Variants in SEMA3E observed in about 807,000 individuals in gnomAD.
The protein encoded by SEMA3E is semaphorin-3E.
SEMA3E carries 49 observed loss-of-function variants against 93.6 expected under a neutral mutation model. That is an observed-to-expected ratio of 0.52 (90% CI 0.42 to 0.66). The LOEUF is 0.66. Among genes scored for constraint, SEMA3E ranks in the 30% least tolerant of loss-of-function variants. The pLI, the probability that SEMA3E is intolerant of heterozygous loss-of-function variation, is 0.00. For missense variants in SEMA3E, 906 were observed against 964.8 expected, an observed-to-expected ratio of 0.94 and a Z score of 0.81; for synonymous variants, 363 against 330.7, an observed-to-expected ratio of 1.10 and a Z score of -1.06.
chr7:83,433,318 G>A (rs369695201), intron 4 of SEMA3E, among the ~76,000 whole-genome samples: 5 of 152,216 alleles, frequency 3.3e-5, no homozygotes, highest in African/African-American at 1.2e-4. Context: ...AAAGGGAACT[G>A]AGTGTCTTAT....
chr7:83,619,197 GTTA>G (rs1163992780), intron 1 of SEMA3E, among the ~76,000 whole-genome samples: 2 of 151,314 alleles, frequency 1.3e-5, no homozygotes, highest in Non-Finnish European at 3.0e-5. Flanking sequence ...ACTTTTAGTA[GTTA>G]TTATAATTTT....
At position 83,367,879 on chromosome 7, in the gene SEMA3E, C is replaced by T. The variant is rs759382770; in HGVS notation, c.2035G>A (p.Glu679Lys). ...TLEVVEEEKV[E>K]DMFNKDDEED... is the part of the protein sequence containing the mutation. The stretch of plus-strand genomic sequence containing the variant: ...TCATCGTCCTTGTTAAACATATCCT[C>T]GACTTTCTCCTCTTCCACTACCTCC... Residue 679 changes from glutamate (E) to lysine (K), a missense_variant, in exon 17 of 17, where the codon GAG (glutamate) becomes AAG (lysine). Physicochemically the swap from Glu to Lys is moderately conservative, Grantham distance 56. Transcript: ENST00000643230. The T allele has an allele frequency of 3.7e-6, 6 of 1,611,042 alleles. No homozygotes were observed. The African/African-American group carries it at 4.0e-5, about 11-fold the overall frequency.
At chr7:83,435,093 C>A (rs1788976684) in intron 4 of SEMA3E, among the ~76,000 whole-genome samples, 1 of 152,134 alleles carries the variant, frequency 6.6e-6, no homozygotes, top group African/African-American at 2.4e-5. Context: ...CCTTTTAGTC[C>A]ATATTGTGTC....
intron 1 of SEMA3E, among the ~76,000 whole-genome samples, chr7:83,609,834 T>C (rs868856561): frequency 6.6e-6 from 1 of 151,992 alleles, no homozygotes; most frequent in Non-Finnish European, 1.5e-5. Context: ...AGTTAAATTA[T>C]GTACTGAATG....
At chr7:83,468,551 G>GT (rs757501000) in intron 3 of SEMA3E, among the ~76,000 whole-genome samples, 9,020 of 146,216 alleles carry the variant, frequency 0.062, 347 homozygotes, top group African/African-American at 0.11. Context: ...CATTTATATA[G>GT]TTTTTTTTTT....
intron 1 of SEMA3E, among the ~76,000 whole-genome samples, chr7:83,494,663 A>T (rs547410965): frequency 9.6e-4 from 146 of 152,062 alleles, no homozygotes; most frequent in African/African-American, 3.5e-3. Flanking sequence ...AAGATGCTGC[A>T]TCTTTGCTTC....
At chr7:83,489,640 T>C (rs1295770706) in intron 2 of SEMA3E, among the ~76,000 whole-genome samples, 1 of 152,120 alleles carries the variant, frequency 6.6e-6, no homozygotes, top group African/African-American at 2.4e-5. Context: ...AGTTTCTTGT[T>C]TTAAATGTAT....
intron 1 of SEMA3E, among the ~76,000 whole-genome samples, chr7:83,564,228 A>C (rs1458512931): frequency 1.3e-5 from 2 of 152,150 alleles, no homozygotes; most frequent in Non-Finnish European, 1.5e-5. Context: ...TTCTGCAAGA[A>C]ATTAAAAACA....
chr7:83,423,180 G>C (rs890867359), intron 4 of SEMA3E, among the ~76,000 whole-genome samples: 24 of 152,138 alleles, frequency 1.6e-4, no homozygotes, highest in Admixed American at 1.1e-3. Flanking sequence ...TTATGTAGGA[G>C]ACACAAATCT....
At chr7:83,563,969 T>C (rs1792087909) in intron 1 of SEMA3E, among the ~76,000 whole-genome samples, 1 of 152,160 alleles carries the variant, frequency 6.6e-6, no homozygotes, top group African/African-American at 2.4e-5. Context: ...AATTGACCAT[T>C]TCTCCATTTC....
At chr7:83,615,702 C>T (rs1031478551) in intron 1 of SEMA3E, among the ~76,000 whole-genome samples, 2 of 152,038 alleles carry the variant, frequency 1.3e-5, no homozygotes, top group South Asian at 2.1e-4. Flanking sequence ...CACCTAAATG[C>T]AGATTATAGC....
chr7:83,537,894 T>G (rs532010234), intron 1 of SEMA3E, among the ~76,000 whole-genome samples: 1 of 152,294 alleles, frequency 6.6e-6, no homozygotes, highest in African/African-American at 2.4e-5. Flanking sequence ...ACTATTAATC[T>G]ACCTTAATCT....
chr7:83,524,000 A>T (rs1380381936), intron 1 of SEMA3E, among the ~76,000 whole-genome samples: 2 of 152,152 alleles, frequency 1.3e-5, no homozygotes, highest in African/African-American at 4.8e-5. Flanking sequence ...ATAACAGAGA[A>T]ACATTATATT....
At chr7:83,494,244 C>A (rs1242029436) in intron 1 of SEMA3E, among the ~76,000 whole-genome samples, 2 of 151,326 alleles carry the variant, frequency 1.3e-5, no homozygotes, top group African/African-American at 4.8e-5. Flanking sequence ...AATTTGACCT[C>A]AGCCTTCCCA....
At chr7:83,486,668 G>A (rs1790263665) in intron 2 of SEMA3E, among the ~76,000 whole-genome samples, 2 of 152,074 alleles carry the variant, frequency 1.3e-5, no homozygotes, top group Non-Finnish European at 2.9e-5. Context: ...CTGAAGAAAC[G>A]GGAAGAACAA....
At chr7:83,450,143 GTAAC>G (rs1292863334) in intron 4 of SEMA3E, among the ~76,000 whole-genome samples, 3 of 152,158 alleles carry the variant, frequency 2.0e-5, no homozygotes, top group African/African-American at 7.2e-5. Flanking sequence ...TTAATGTGGG[GTAAC>G]TAGAAAACTT....
At chr7:83,426,598 T>G (rs761677249) in intron 4 of SEMA3E, among the ~76,000 whole-genome samples, 1 of 152,082 alleles carries the variant, frequency 6.6e-6, no homozygotes, top group African/African-American at 2.4e-5. Flanking sequence ...GGCGATGGGA[T>G]TAATCAAGAC....
intron 4 of SEMA3E, among the ~76,000 whole-genome samples, chr7:83,449,088 T>TTTTATTTA (rs56254736): frequency 0.02 from 2,895 of 147,740 alleles, 45 homozygotes; most frequent in East Asian, 0.051. Context: ...ATTTTTTAAA[T>TTTTATTTA]TTTATTTATT....
chr7:83,471,538 G>C (rs1789894202), intron 2 of SEMA3E, among the ~76,000 whole-genome samples: 1 of 151,942 alleles, frequency 6.6e-6, no homozygotes, highest in Non-Finnish European at 1.5e-5. Context: ...GGAGGTGGAA[G>C]CTGGGTTAGT....
Sources: gnomAD v4.1 joint callset for allele counts (sites outside exome capture counted in the v4.1 genomes callset) on GRCh38, gnomAD v4.1.1 for gene constraint, MANE v1.5 for transcripts, NCBI Gene and HGNC (gene_info 2026-07-23, HGNC 2026-07-21) for gene names.